Variants in SLC5A11 observed in about 807,000 individuals in gnomAD.
The protein encoded by SLC5A11 is sodium/myo-inositol cotransporter 2.
In SLC5A11, 48 loss-of-function variants were observed where a neutral mutation model predicts 69.8. That is an observed-to-expected ratio of 0.69 (90% CI 0.55 to 0.87). The LOEUF is 0.87. Among genes scored for constraint, SLC5A11 ranks in the 40% least tolerant of loss-of-function variants. The pLI, the probability that SLC5A11 is intolerant of heterozygous loss-of-function variation, is 0.00. For synonymous variants in SLC5A11, 319 were observed against 342.4 expected (o/e 0.93, Z 0.75); for missense variants, 784 against 866.1 (o/e 0.91, Z 1.19).
At chr16:24,881,836 GCAA>G (rs1426267769) in intron 7 of SLC5A11, among the ~76,000 whole-genome samples, 1 of 126,240 alleles carries the variant, frequency 7.9e-6, no homozygotes, top group African/African-American at 2.5e-5. Flanking sequence ...GTGCTAAGCA[GCAA>G]CCCTGGTGGT....
intron 8 of SLC5A11, among the ~76,000 whole-genome samples, chr16:24,888,628 C>T (rs1162135812): frequency 6.6e-6 from 1 of 150,750 alleles, no homozygotes; most frequent in African/African-American, 2.4e-5. Flanking sequence ...GGACTACAGG[C>T]TCGCGCCACC....
intron 7 of SLC5A11, among the ~76,000 whole-genome samples, chr16:24,883,836 C>G (rs781686838): frequency 1.3e-5 from 2 of 152,184 alleles, no homozygotes; most frequent in Non-Finnish European, 2.9e-5. Flanking sequence ...ATGTGAGAAG[C>G]GGAGAAATCA....
chr16:24,856,068 A>G (rs557222604), intron 1 of SLC5A11, among the ~76,000 whole-genome samples: 3 of 152,292 alleles, frequency 2.0e-5, no homozygotes, highest in South Asian at 4.2e-4. Context: ...CCCAGAGCAC[A>G]TGTGTGCACT....
intron 9 of SLC5A11, among the ~76,000 whole-genome samples, chr16:24,894,703 A>T (rs1328817157): frequency 1.5e-4 from 23 of 152,154 alleles, no homozygotes; most frequent in Admixed American, 1.5e-3. Context: ...TGGAAGGCTG[A>T]GGCAAGAGAA....
intron 3 of SLC5A11, among the ~76,000 whole-genome samples, chr16:24,863,716 A>C (rs1032819824): frequency 6.6e-6 from 1 of 152,178 alleles, no homozygotes; most frequent in Non-Finnish European, 1.5e-5. Context: ...TGCTGCAATA[A>C]TTCAGGAAGC....
intron 10 of SLC5A11, among the ~76,000 whole-genome samples, chr16:24,904,744 G>A (rs760348289): frequency 1.3e-5 from 2 of 152,162 alleles, no homozygotes; most frequent in Non-Finnish European, 2.9e-5. Context: ...ACCCTCTTCT[G>A]CTAAGTCCAT....
chr16:24,875,693 G>A, exon 6 of SLC5A11: 1 of 1,613,978 alleles, frequency 6.2e-7, no homozygotes, highest in Non-Finnish European at 8.5e-7. Context: ...CATCCTGGCT[G>A]TACTCTACCT....
rs968746459 is a variant in SLC5A11 at position 24,884,871 on chromosome 16, G to C, written c.664+740G>C. Among the ~76,000 whole-genome samples the C allele has an allele frequency of 2.0e-5, 3 of 151,918 alleles. 1 individual carries two copies. Reference sequence around the variant, plus strand: ...TCCTCCCGCCTCAGCCTCCCAAGTAGCTGGGCCCACAGGTGTGCACCACCA... The same window carrying C: ...TCCTCCCGCCTCAGCCTCCCAAGTACCTGGGCCCACAGGTGTGCACCACCA... On this transcript the variant is annotated intron_variant, in intron 8 of 15. Coordinates refer to ENST00000347898, the Ensembl canonical transcript of SLC5A11.
chr16:24,901,767 G>A lies in SLC5A11; in HGVS notation c.1006+3658G>A, dbSNP rs977499598. On this transcript the variant is annotated intron_variant, in intron 10 of 15. Coordinates refer to ENST00000347898, the Ensembl canonical transcript of SLC5A11. ...GCTGTAGAGGGACTTACATCCTAGTGGTGGAGGACAAAGACAGAAATAAGT... is the reference window on the plus strand; with the variant it reads ...GCTGTAGAGGGACTTACATCCTAGTAGTGGAGGACAAAGACAGAAATAAGT... Among the ~76,000 whole-genome samples, 7 of 151,976 alleles carry A rather than the reference G, an allele frequency of 4.6e-5. No individual in the cohort carries two copies. In the South Asian group the frequency reaches 1.5e-3, roughly 32 times the overall value.
At chr16:24,898,244 T>TGAGAC in intron 10 of SLC5A11, 135 bp downstream of exon 11, 5 of 1,194,554 alleles carry the variant, frequency 4.2e-6, no homozygotes, top group Non-Finnish European at 5.7e-6. Flanking sequence ...CAGAGTCTCA[T>TGAGAC]TCTGTCATTC....
At chr16:24,847,010 G>A (rs951742111) in intron 1 of SLC5A11, among the ~76,000 whole-genome samples, 1 of 152,200 alleles carries the variant, frequency 6.6e-6, no homozygotes, top group Non-Finnish European at 1.5e-5. Context: ...GAGTCTAAGG[G>A]TCATTAAATA....
intron 10 of SLC5A11, among the ~76,000 whole-genome samples, chr16:24,904,981 T>G (rs1449495645): frequency 1.3e-5 from 2 of 151,742 alleles, no homozygotes; most frequent in Non-Finnish European, 2.9e-5. Flanking sequence ...GATGTTCCCC[T>G]CCTTGTGTCC....
At chr16:24,902,109 C>G (rs945776556) in intron 10 of SLC5A11, among the ~76,000 whole-genome samples, 1 of 152,052 alleles carries the variant, frequency 6.6e-6, no homozygotes, top group African/African-American at 2.4e-5. Context: ...GAGACTGTGT[C>G]TCAGAAAAGA....
At chr16:24,849,814 G>A (rs1596919833) in intron 1 of SLC5A11, among the ~76,000 whole-genome samples, 2 of 151,462 alleles carry the variant, frequency 1.3e-5, no homozygotes, top group South Asian at 2.1e-4. Context: ...TTCAGGGAAC[G>A]CTGCCCTGCC....
chr16:24,892,021 A>G (rs897236451), intron 9 of SLC5A11, among the ~76,000 whole-genome samples: 11 of 150,324 alleles, frequency 7.3e-5, no homozygotes, highest in African/African-American at 2.5e-4. Context: ...GTTTGAGACC[A>G]ACCTGGGCAA....
At chr16:24,870,464 C>A (rs1317003071) in intron 4 of SLC5A11, among the ~76,000 whole-genome samples, 11 of 149,622 alleles carry the variant, frequency 7.4e-5, no homozygotes, top group African/African-American at 2.2e-4. Flanking sequence ...CACACACACA[C>A]AAACCCAAAA....
At position 24,850,835 on chromosome 16, in the gene SLC5A11, G is replaced by A. The variant is rs535192080; in HGVS notation, c.-25+4397G>A. Among the ~76,000 whole-genome samples, 36 of 151,490 alleles carry A rather than the reference G, an allele frequency of 2.4e-4. No individual in the cohort carries two copies. The East Asian group carries it at 3.1e-3, about 13-fold the overall frequency. On this transcript the variant is annotated intron_variant, in intron 1 of 15. Coordinates refer to ENST00000347898, the Ensembl canonical transcript of SLC5A11. ...TCGTTTTTTTTTTTTCTTTAAGACA[G>A]AGTCTTGCTCTGTCACCCAGGCTAG...
intron 8 of SLC5A11, among the ~76,000 whole-genome samples, chr16:24,888,773 C>T (rs1192350513): frequency 7.2e-5 from 10 of 138,874 alleles, no homozygotes; most frequent in Non-Finnish European, 1.2e-4. Flanking sequence ...TGTGAGCCAC[C>T]GTGCCTGTCC....
chr16:24,873,172 A>AT (rs533281665), intron 5 of SLC5A11, among the ~76,000 whole-genome samples: 233 of 132,582 alleles, frequency 1.8e-3, no homozygotes, highest in Non-Finnish European at 3.2e-3. Flanking sequence ...AGGAAAGGAA[A>AT]GGGGAAAGGG....
Sources: allele counts gnomAD v4.1 joint callset (sites outside exome capture counted in the v4.1 genomes callset), GRCh38; gene constraint gnomAD v4.1.1; transcripts MANE v1.5; gene names NCBI Gene and HGNC (gene_info 2026-07-23, HGNC 2026-07-21).